The following DSCC1 variants were observed in gnomAD, a reference collection of about 807,000 sequenced individuals.
DSCC1 encodes the protein DNA replication and sister chromatid cohesion 1, also known as sister chromatid cohesion protein DCC1.
DSCC1 carries 32 observed loss-of-function variants against 48.2 expected under a neutral mutation model. That is an observed-to-expected ratio of 0.66 (90% CI 0.50 to 0.89). The LOEUF (loss-of-function observed/expected upper bound fraction) is 0.89. DSCC1 is among the 40% of genes least tolerant of loss of function. DSCC1 has a pLI of 0.00. For synonymous variants in DSCC1, 150 were observed against 171.5 expected, an observed-to-expected ratio of 0.87 and a Z score of 0.98; for missense variants, 421 against 471.7, an observed-to-expected ratio of 0.89 and a Z score of 1.00.
Position 119,850,429 on chromosome 8 carries a change from A to C in DSCC1, c.439T>G (p.Tyr147Asp). Residue 147 changes from tyrosine (Y) to aspartate (D), a missense_variant, in exon 3 of 9, where the codon TAT (tyrosine) becomes GAT (aspartate). Physicochemically the swap from Tyr to Asp is radical, Grantham distance 160 (BLOSUM62 -3). Around this residue, in one of 3 missense-constraint regions of DSCC1, gnomAD observed 174 missense variants for 184.5 expected, o/e 0.94. Coordinates refer to ENST00000313655, the MANE Select transcript of DSCC1 (RefSeq NM_024094.3). The stretch of plus-strand genomic sequence containing the variant: ...TCTTTTTGACTGTCAGGTCCTTCAT[A>C]TGGATTTTCCATCAAAAGTTTCTTT... ...KLKKLLMENP[Y>D]EGPDSQKEKD... 2 of 1,602,132 alleles carry C rather than the reference A, an allele frequency of 1.2e-6. No individual in the cohort carries two copies. Among genetic ancestry groups the C allele is most frequent in the Non-Finnish European group, 1.7e-6 (2 of 1,176,364 alleles).
At chr8:119,843,494 T>C in intron 5 of DSCC1, 115 bp downstream of exon 5, 1 of 1,392,962 alleles carries the variant, frequency 7.2e-7, no homozygotes, top group Admixed American at 2.4e-5. Flanking sequence ...TAAACATTTC[T>C]CAAAGATATC....
Position 119,841,846 on chromosome 8 carries a change from A to C in DSCC1, c.872T>G (p.Val291Gly). The C allele has an allele frequency of 6.2e-7, 1 of 1,614,090 alleles. No individual in the cohort carries two copies. The highest frequency in any genetic ancestry group is 2.2e-5 in the East Asian group (1 of 44,872). ...TCCTTCAGGAACACTCTGCTGCCAC[A>C]CTTCTTGAAACTCAGCGAGATTGAA... ...VKFNLAEFQE[V>G]WQQSVPEGMV... Residue 291 changes from valine (V) to glycine (G), a missense_variant, in exon 7 of 9, where the codon GTG (valine) becomes GGG (glycine). Physicochemically the swap from Val to Gly is moderately radical, Grantham distance 109 (BLOSUM62 -3). This residue lies in a region of DSCC1 where 238 missense variants were observed against 259.0 expected (regional missense o/e 0.92). Coordinates refer to ENST00000313655, the MANE Select transcript of DSCC1 (RefSeq NM_024094.3).
At chr8:119,853,363 C>T in intron 1 of DSCC1, 148 bp from the exon 2 acceptor site, 2 of 845,626 alleles carry the variant, frequency 2.4e-6, no homozygotes. Flanking sequence ...ATGCTGGATT[C>T]CACACAGCAA....
At chr8:119,848,407 C>T (rs531281484) in intron 3 of DSCC1, among the ~76,000 whole-genome samples, 1 of 152,238 alleles carries the variant, frequency 6.6e-6, no homozygotes, top group South Asian at 2.1e-4. Context: ...CTAAAGAATT[C>T]GCTTACAACT....
intron 6 of DSCC1, among the ~76,000 whole-genome samples, chr8:119,842,149 T>C (rs903954209): frequency 2.6e-4 from 39 of 151,970 alleles, no homozygotes; most frequent in Non-Finnish European, 5.6e-4. Flanking sequence ...TCTTGGCTCA[T>C]TGCAGCCTCC....
rs1827002062 is a variant in DSCC1, at chr8:119,855,434, G to T, written c.182+180C>A. ...AGCTGGACCAGTGCTACTCATCACC[G>T]CAGTGCAGCTAACTGGACGGCCCAC... On this transcript the variant is annotated intron_variant, in intron 1 of 8. Coordinates refer to ENST00000313655, the MANE Select transcript of DSCC1 (RefSeq NM_024094.3). Among the ~76,000 whole-genome samples the T allele has an allele frequency of 2.0e-5, 3 of 152,174 alleles. No individual in the cohort carries two copies. The South Asian group carries it at 6.2e-4, about 32-fold the overall frequency.
At chr8:119,836,111 G>C (rs1271612541) in intron 8 of DSCC1, among the ~76,000 whole-genome samples, 1 of 152,170 alleles carries the variant, frequency 6.6e-6, no homozygotes, top group African/African-American at 2.4e-5. Flanking sequence ...TCAGGAGTTT[G>C]AGACCAGCCT....
chr8:119,846,957 C>T, intron 4 of DSCC1, 33 bp downstream of exon 4: 1 of 1,593,400 alleles, frequency 6.3e-7, no homozygotes, highest in Non-Finnish European at 8.6e-7. Flanking sequence ...TGCCCAATTT[C>T]ATCATTGTTA....
intron 5 of DSCC1, among the ~76,000 whole-genome samples, chr8:119,843,302 AC>A (rs1464470396): frequency 1.3e-5 from 2 of 151,976 alleles, no homozygotes; most frequent in East Asian, 3.9e-4. Context: ...GTTGGCCAGG[AC>A]AGTCTTGATC....
At chr8:119,847,187 A>G in intron 3 of DSCC1, 107 bp from the exon 4 acceptor site, 1 of 843,476 alleles carries the variant, frequency 1.2e-6, no homozygotes, top group South Asian at 1.6e-5. Flanking sequence ...GGCAATATTT[A>G]TGCACTAGCT....
At chr8:119,836,070 T>C (rs1342548634) in intron 8 of DSCC1, among the ~76,000 whole-genome samples, 1 of 152,222 alleles carries the variant, frequency 6.6e-6, no homozygotes, top group East Asian at 1.9e-4. Context: ...CCCAGCACTT[T>C]AGGAGGCCAA....
chr8:119,850,271 A>G (rs759674415), intron 3 of DSCC1, 111 bp downstream of exon 3: 519 of 1,110,220 alleles, frequency 4.7e-4, no homozygotes, highest in Non-Finnish European at 5.9e-4. Flanking sequence ...TTTTAACACA[A>G]GCATTTATAA....
Position 119,841,928 on chromosome 8 carries a change from C to T in DSCC1, c.790G>A (p.Asp264Asn). 1 of 1,613,856 alleles carries T rather than the reference C, an allele frequency of 6.2e-7. No homozygotes were observed. The highest frequency in any genetic ancestry group is 8.5e-7 in the Non-Finnish European group (1 of 1,179,890). ...VDEGEVYFEL[D>N]ADKICRAAAR... ...GCTGCTCTACATATTTTATCAGCAT[C>T]CAACTCAAAATAAACTTCGCCTAAG... Residue 264 changes from aspartate to asparagine, a missense_variant, in exon 7 of 9, where the codon GAT becomes AAT. Coordinates refer to ENST00000313655, the MANE Select transcript of DSCC1 (RefSeq NM_024094.3).
chr8:119,837,517 G>C (rs898967515), intron 8 of DSCC1, among the ~76,000 whole-genome samples: 3 of 152,210 alleles, frequency 2.0e-5, no homozygotes, highest in African/African-American at 7.2e-5. Context: ...TCCAAGGGTA[G>C]AGAAGTTTCA....
intron 8 of DSCC1, among the ~76,000 whole-genome samples, chr8:119,837,886 G>A (rs1444031069): frequency 1.3e-5 from 2 of 152,180 alleles, no homozygotes; most frequent in African/African-American, 2.4e-5. Context: ...TGGGGCTAAC[G>A]TGTTCTACTG....
At chr8:119,850,230 G>T in intron 3 of DSCC1, 152 bp downstream of exon 3, 1 of 673,220 alleles carries the variant, frequency 1.5e-6, no homozygotes, top group Non-Finnish European at 2.3e-6. Flanking sequence ...TACTATGTGT[G>T]CTTTGGGGTG....
chr8:119,851,421 T>G (rs1377231339), intron 2 of DSCC1, among the ~76,000 whole-genome samples: 1 of 152,162 alleles, frequency 6.6e-6, no homozygotes, highest in Non-Finnish European at 1.5e-5. Context: ...TTTATTGTCA[T>G]CTCAGGAAAA....
At chr8:119,841,459 A>C (rs1208469990) in intron 7 of DSCC1, among the ~76,000 whole-genome samples, 1 of 152,164 alleles carries the variant, frequency 6.6e-6, no homozygotes, top group Non-Finnish European at 1.5e-5. Context: ...TGAGAAACGG[A>C]ACAAAATGAG....
intron 3 of DSCC1, among the ~76,000 whole-genome samples, chr8:119,848,110 G>A (rs1301983532): frequency 1.3e-5 from 2 of 152,058 alleles, no homozygotes; most frequent in Non-Finnish European, 2.9e-5. Flanking sequence ...GACTACAGGT[G>A]TGCAGCCAGC....
Sources: gnomAD v4.1 joint callset for allele counts (sites outside exome capture counted in the v4.1 genomes callset) on GRCh38, gnomAD v4.1.1 for gene constraint, gnomAD v4.1.1 regional missense constraint, MANE v1.5 for transcripts, NCBI Gene and HGNC (gene_info 2026-07-23, HGNC 2026-07-21) for gene names.